The following LAMC3 variants were observed in gnomAD, a reference collection of about 807,000 sequenced individuals.
The protein encoded by LAMC3 is laminin subunit gamma 3.
In LAMC3, 128 loss-of-function variants were observed where a neutral mutation model predicts 173.8. The ratio of observed to expected loss-of-function variants is 0.74; its 90% CI spans 0.64 to 0.85. LAMC3 has a LOEUF of 0.85. Ranked by LOEUF, LAMC3 falls within the 40% of genes least tolerant of loss-of-function variation. The pLI is 0.00. For synonymous variants in LAMC3, 897 were observed against 909.1 expected (o/e 0.99, Z 0.24); for missense variants, 2,022 against 2,156.0 (o/e 0.94, Z 1.23).
chr9:131,085,240 C>T (rs1334241509), intron 24 of LAMC3, among the ~76,000 whole-genome samples: 1 of 152,190 alleles, frequency 6.6e-6, no homozygotes, highest in African/African-American at 2.4e-5. Context: ...TAGTCCCCAC[C>T]ACTGGCCCCA....
intron 13 of LAMC3, among the ~76,000 whole-genome samples, chr9:131,064,372 A>G (rs1262526541): frequency 1.3e-5 from 2 of 152,232 alleles, no homozygotes; most frequent in African/African-American, 4.8e-5. Flanking sequence ...AAATAGAAAT[A>G]AATGTACATG....
intron 9 of LAMC3, among the ~76,000 whole-genome samples, chr9:131,049,466 C>T (rs1308846792): frequency 6.6e-6 from 1 of 152,128 alleles, no homozygotes; most frequent in African/African-American, 2.4e-5. Context: ...TGTGTATTTG[C>T]CATTAATCTC....
At chr9:131,055,355 T>G (rs949587915) in intron 11 of LAMC3, among the ~76,000 whole-genome samples, 2 of 151,978 alleles carry the variant, frequency 1.3e-5, no homozygotes, top group African/African-American at 4.8e-5. Context: ...GATCCCCTGC[T>G]CCTCTGTTAC....
At position 131,038,868 on chromosome 9, in the gene LAMC3, C is replaced by T; in HGVS notation, c.981C>T (p.Cys327=). 1 of 1,613,018 alleles carries T rather than the reference C, an allele frequency of 6.2e-7. No homozygotes were observed. The highest frequency in any genetic ancestry group is 8.5e-7 in the Non-Finnish European group (1 of 1,180,022). Residue 327 remains cysteine, a synonymous_variant, in exon 5 of 28, where the codon TGC becomes TGT. Transcript: ENST00000361069. The part of the protein sequence containing the change: ...TAEAAHECLP[C]NCSGRSEECT... ...TTTCCCCACTCCTGCCCATAGCCTG[C>T]AACTGCAGTGGCCGCTCCGAGGAAT...
At position 131,085,514 on chromosome 9, in the gene LAMC3, G is replaced by A. The variant is rs555619019; in HGVS notation, c.4031-10G>A. On this transcript the variant is annotated splice_polypyrimidine_tract_variant and intron_variant, in intron 24 of 27. Coordinates refer to ENST00000361069, the MANE Select transcript of LAMC3 (RefSeq NM_006059.4). ...CAGTTCCCCTGACCCAGCCTCAGCC[G>A]GGTTTGCAGGAATGAAGCTGCAGTT... is the stretch of plus-strand genomic sequence containing the variant. The A allele has an allele frequency of 8.0e-5, 129 of 1,613,640 alleles. No individual in the cohort carries two copies. In the South Asian group the frequency reaches 8.7e-4, roughly 11 times the overall value.
chr9:131,058,340 T>C (rs1829735169), intron 12 of LAMC3, among the ~76,000 whole-genome samples: 1 of 152,008 alleles, frequency 6.6e-6, no homozygotes, highest in South Asian at 2.1e-4. Context: ...CTCAAACCTC[T>C]AACTTCAAGT....
chr9:131,032,225 G>A (rs772050188), intron 3 of LAMC3, 50 bp downstream of exon 3: 25 of 662,506 alleles, frequency 3.8e-5, no homozygotes, highest in East Asian at 5.8e-5. Flanking sequence ...ACCCAAACCC[G>A]AGAGCGGAAG....
chr9:131,016,406 TAAA>T (rs1283280099), intron 1 of LAMC3, among the ~76,000 whole-genome samples: 3 of 152,150 alleles, frequency 2.0e-5, no homozygotes, highest in African/African-American at 7.2e-5. Flanking sequence ...TTCACCACAA[TAAA>T]AGAAGGTTTG....
At position 131,057,078 on chromosome 9, in the gene LAMC3, C is replaced by T. The variant is rs1377212064; in HGVS notation, c.2089C>T (p.Gln697Ter). The T allele has an allele frequency of 3.1e-6, 5 of 1,614,076 alleles. No homozygotes were observed. In the East Asian group the frequency reaches 8.9e-5, roughly 29 times the overall value. The change falls in exon 12 of 28, where the codon CAG becomes TAG. Residue 697 changes from glutamine (Q) to a stop codon, truncating the protein, a stop_gained. Transcript: ENST00000361069. LOFTEE classifies it high-confidence loss of function. The part of the protein sequence containing the change: ...CAPGYKREMP[Q>*]GGPYASCVPC... Reference sequence around the variant, plus strand: ...TCCGGGATACAAGAGGGAGATGCCACAGGGGGGTCCCTATGCCAGCTGTGT... The same window carrying T: ...TCCGGGATACAAGAGGGAGATGCCATAGGGGGGTCCCTATGCCAGCTGTGT...
At chr9:131,084,781 C>T (rs930807079) in intron 24 of LAMC3, among the ~76,000 whole-genome samples, 5 of 151,864 alleles carry the variant, frequency 3.3e-5, no homozygotes, top group Admixed American at 6.6e-5. Context: ...TGCTTATAAT[C>T]TCAGCTACTC....
At chr9:131,048,057 T>TC (rs1484544580) in intron 8 of LAMC3, among the ~76,000 whole-genome samples, 2 of 122,256 alleles carry the variant, frequency 1.6e-5, no homozygotes, top group Non-Finnish European at 3.5e-5. Context: ...ATTTTTTTTT[T>TC]TTTTTTTTTT....
At position 131,029,718 on chromosome 9, in the gene LAMC3, G is replaced by A. The variant is rs983134830; in HGVS notation, c.679-2327G>A. On this transcript the variant is annotated intron_variant, in intron 2 of 27. Coordinates refer to ENST00000361069, the MANE Select transcript of LAMC3 (RefSeq NM_006059.4). The surrounding 1 kb of genome is among the most constrained non-coding windows in gnomAD (Gnocchi z 4.6). ...CCTCTGACCCCCAAGGAAGGGCCTA[G>A]GACTTTGGAGGAGAAGGTCGACCTG... Among the ~76,000 whole-genome samples, 3 of 152,186 alleles carry A rather than the reference G, an allele frequency of 2.0e-5. No homozygotes were observed. The highest frequency in any genetic ancestry group is 7.2e-5 in the African/African-American group (3 of 41,448).
At chr9:131,063,303 C>T (rs1270756064) in intron 13 of LAMC3, among the ~76,000 whole-genome samples, 1 of 152,204 alleles carries the variant, frequency 6.6e-6, no homozygotes, top group Non-Finnish European at 1.5e-5. Context: ...TTTCTAGCTC[C>T]CGACTGTGGC....
chr9:131,055,250 C>T (rs1218645371), intron 11 of LAMC3, among the ~76,000 whole-genome samples: 2 of 152,008 alleles, frequency 1.3e-5, no homozygotes, highest in Non-Finnish European at 2.9e-5. Context: ...GAGTGTCGGC[C>T]GCCTCCAGTC....
intron 13 of LAMC3, among the ~76,000 whole-genome samples, chr9:131,063,073 CT>C (rs1564382050): frequency 6.6e-6 from 1 of 152,156 alleles, no homozygotes; most frequent in East Asian, 1.9e-4. Context: ...TCTGATTTTG[CT>C]TTTGGTACGT....
At chr9:131,061,261 G>A (rs2133299390) in intron 13 of LAMC3, 38 bp downstream of exon 13, 1 of 1,555,802 alleles carries the variant, frequency 6.4e-7, no homozygotes, top group South Asian at 1.1e-5. Flanking sequence ...CCCCGCAGAG[G>A]GCCAAGCCCC....
chr9:131,032,253 G>T (rs1833838344), intron 3 of LAMC3, 78 bp downstream of exon 3: 2 of 483,820 alleles, frequency 4.1e-6, no homozygotes, highest in Admixed American at 2.3e-5. Flanking sequence ...CTGTGGGGTG[G>T]GGGGTGGGGG....
intron 15 of LAMC3, among the ~76,000 whole-genome samples, chr9:131,068,546 T>A (rs1320183411): frequency 6.6e-6 from 1 of 152,148 alleles, no homozygotes; most frequent in African/African-American, 2.4e-5. Context: ...CTTAGACAAG[T>A]GTTCTTAGGG....
In LAMC3 at chr9:131,092,092, C is replaced by T. The variant is rs555610162; in HGVS notation, c.*305C>T. ...GAGGGTGCATGTCTGTGTGTATGAC[C>T]CACACGTGTTCAAGTCTAATCCATC... On this transcript the variant is annotated 3_prime_UTR_variant, in exon 28 of 28. Coordinates refer to ENST00000361069, the MANE Select transcript of LAMC3 (RefSeq NM_006059.4). 2.2e-6 allele frequency: 1 copy of T among 463,804 alleles called. No individual in the cohort carries two copies. Among genetic ancestry groups the T allele is most frequent in the Non-Finnish European group, 4.0e-6 (1 of 250,372 alleles). The allele number at this position is 463,804 out of a possible 1,614,324, so 28.7% of individuals were successfully genotyped here. A position where few individuals can be genotyped will look rare whatever the true frequency, so the allele number is the denominator to read the frequency against.
Sources: gnomAD v4.1 joint callset for allele counts (sites outside exome capture counted in the v4.1 genomes callset) on GRCh38, gnomAD v4.1.1 for gene constraint, Gnocchi (gnomAD v3.1) non-coding constraint, MANE v1.5 for transcripts, NCBI Gene and HGNC (gene_info 2026-07-23, HGNC 2026-07-21) for gene names.